The following MYT1L variants were observed in gnomAD, a reference collection of about 807,000 sequenced individuals.
MYT1L encodes the protein myelin transcription factor 1 like.
Under a neutral mutation model 126.7 loss-of-function variants are expected in MYT1L, and 12 were observed. That is an observed-to-expected ratio of 0.09 (90% CI 0.06 to 0.15). The LOEUF (loss-of-function observed/expected upper bound fraction) is 0.15, where lower values mean the gene tolerates loss of function less well. Among genes scored for constraint, MYT1L ranks in the 10% least tolerant of loss-of-function variants. MYT1L has a pLI of 1.00. For missense variants in MYT1L, 979 were observed against 1,585.2 expected (o/e 0.62, Z 6.49); for synonymous variants, 541 against 604.2 (o/e 0.90, Z 1.53).
At chr2:2,130,816 G>A (rs1409533143) in intron 3 of MYT1L, among the ~76,000 whole-genome samples, 5 of 152,032 alleles carry the variant, frequency 3.3e-5, no homozygotes, top group Non-Finnish European at 5.9e-5. Context: ...TTTTTTCTTT[G>A]TGTGCTCTTG....
intron 2 of MYT1L, among the ~76,000 whole-genome samples, chr2:2,241,666 T>G (rs538486758): frequency 7.9e-5 from 12 of 152,332 alleles, no homozygotes; most frequent in African/African-American, 2.6e-4. Context: ...AAGCAAGATA[T>G]ATGTATAGGA....
At chr2:1,844,273 A>G (rs1016860588) in intron 19 of MYT1L, among the ~76,000 whole-genome samples, 8 of 152,186 alleles carry the variant, frequency 5.3e-5, no homozygotes, top group African/African-American at 1.9e-4. Context: ...TTCTCACTGT[A>G]GCATCTTAAT....
chr2:2,251,327 A>C (rs1333388210), intron 2 of MYT1L, among the ~76,000 whole-genome samples: 1 of 152,186 alleles, frequency 6.6e-6, no homozygotes, highest in Non-Finnish European at 1.5e-5. Flanking sequence ...CTAGACGTGG[A>C]GATACGTCCG....
At chr2:1,856,354 T>C (rs1392916444) in intron 18 of MYT1L, among the ~76,000 whole-genome samples, 2 of 152,196 alleles carry the variant, frequency 1.3e-5, no homozygotes, top group Admixed American at 6.5e-5. Context: ...CACACGTCCA[T>C]GGAGGTCATA....
chr2:2,236,651 T>G (rs1196088570), intron 2 of MYT1L, among the ~76,000 whole-genome samples: 6 of 146,528 alleles, frequency 4.1e-5, no homozygotes, highest in African/African-American at 1.5e-4. Flanking sequence ...ACCCAGCACA[T>G]CCCAACCCAA....
intron 12 of MYT1L, among the ~76,000 whole-genome samples, 166 bp downstream of exon 12, chr2:1,911,854 C>T (rs1486202003): frequency 2.6e-5 from 4 of 152,168 alleles, no homozygotes; most frequent in Admixed American, 1.3e-4. Flanking sequence ...CAGTTTGCAC[C>T]ACAAGGGCGT....
At chr2:2,088,893 C>T (rs1317173791) in intron 3 of MYT1L, among the ~76,000 whole-genome samples, 2 of 152,170 alleles carry the variant, frequency 1.3e-5, no homozygotes, top group East Asian at 1.9e-4. Context: ...TCTCAAGTAT[C>T]CTACAAATAC....
intron 3 of MYT1L, among the ~76,000 whole-genome samples, chr2:2,172,279 C>T (rs949242272): frequency 1.3e-5 from 2 of 151,156 alleles, no homozygotes; most frequent in African/African-American, 4.9e-5. Flanking sequence ...AGTGTAGATT[C>T]TGTGTGCAGT....
chr2:1,987,458 T>C (rs35262657), intron 5 of MYT1L, among the ~76,000 whole-genome samples: 4,076 of 152,114 alleles, frequency 0.027, 73 homozygotes, highest in Non-Finnish European at 0.042. Context: ...AGTGTTCCCA[T>C]GGGAGGGGCA....
At chr2:2,260,081 ACGC>A (rs1471854560) in intron 2 of MYT1L, among the ~76,000 whole-genome samples, 1 of 152,172 alleles carries the variant, frequency 6.6e-6, no homozygotes, top group Admixed American at 6.5e-5. Context: ...CAGAGTATCC[ACGC>A]CATTCCTTAG....
At chr2:2,195,859 A>G (rs2092775923) in intron 2 of MYT1L, among the ~76,000 whole-genome samples, 1 of 152,168 alleles carries the variant, frequency 6.6e-6, no homozygotes, top group African/African-American at 2.4e-5. Context: ...ATTAATATAT[A>G]GTGATAAAAT....
At chr2:1,798,776 G>A (rs1233952064) in intron 23 of MYT1L, among the ~76,000 whole-genome samples, 1 of 152,234 alleles carries the variant, frequency 6.6e-6, no homozygotes, top group South Asian at 2.1e-4. Flanking sequence ...GGAAGGCCGA[G>A]GCCATCAGGC....
At chr2:1,928,609 G>T (rs891835214) in intron 9 of MYT1L, among the ~76,000 whole-genome samples, 9 of 152,152 alleles carry the variant, frequency 5.9e-5, no homozygotes, top group African/African-American at 2.2e-4. Flanking sequence ...GAGTAACGCC[G>T]CTCCCTTCTG....
At chr2:2,290,536 C>T (rs768595754) in intron 1 of MYT1L, among the ~76,000 whole-genome samples, 51 of 152,174 alleles carry the variant, frequency 3.4e-4, no homozygotes, top group Non-Finnish European at 2.6e-4. Context: ...GAAAAAGAGT[C>T]ATTAAAACTT....
chr2:1,984,744 C>T (rs150652181), intron 5 of MYT1L, among the ~76,000 whole-genome samples: 2,225 of 151,818 alleles, frequency 0.015, 71 homozygotes, highest in African/African-American at 0.052. Flanking sequence ...CTCCTGACTT[C>T]GTGATCCACC....
intron 3 of MYT1L, among the ~76,000 whole-genome samples, chr2:2,070,722 G>T (rs1398760677): frequency 2.6e-5 from 4 of 152,132 alleles, no homozygotes; most frequent in African/African-American, 4.8e-5. Flanking sequence ...TTGATAATAA[G>T]TAAAAAATCA....
At chr2:2,184,255 G>A (rs2091886691) in intron 2 of MYT1L, among the ~76,000 whole-genome samples, 1 of 152,090 alleles carries the variant, frequency 6.6e-6, no homozygotes, top group Admixed American at 6.6e-5. Flanking sequence ...TCTTATTAAT[G>A]ACATACAAAG....
intron 2 of MYT1L, among the ~76,000 whole-genome samples, chr2:2,173,554 G>A (rs1019239269): frequency 6.6e-6 from 1 of 152,128 alleles, no homozygotes; most frequent in African/African-American, 2.4e-5. Context: ...TTTCTGCAAT[G>A]TTATCTCAGT....
intron 2 of MYT1L, among the ~76,000 whole-genome samples, chr2:2,199,776 T>C (rs866874627): frequency 3.3e-5 from 5 of 152,316 alleles, no homozygotes; most frequent in Middle Eastern, 6.8e-3. Flanking sequence ...TCCAAGGGAC[T>C]GTTCAACAGC....
Sources: gnomAD v4.1 joint callset for allele counts (sites outside exome capture counted in the v4.1 genomes callset) on GRCh38, gnomAD v4.1.1 for gene constraint, MANE v1.5 for transcripts, NCBI Gene and HGNC (gene_info 2026-07-23, HGNC 2026-07-21) for gene names.